The following TP63 variants were observed in gnomAD, a reference collection of about 807,000 sequenced individuals.
TP63 encodes tumor protein 63.
A neutral mutation model predicts 82.8 loss-of-function variants in TP63; 17 were observed. The ratio of observed to expected loss-of-function variants is 0.21; its 90% confidence interval spans 0.14 to 0.31. The LOEUF (loss-of-function observed/expected upper bound fraction) is 0.31. TP63 is among the 10% of genes least tolerant of loss of function. The probability of loss-of-function intolerance (pLI) is 1.00; values close to 1 mark genes in which losing one functional copy is unlikely to be tolerated. For synonymous variants in TP63, 330 were observed against 321.7 expected, an observed-to-expected ratio of 1.03 and a Z score of -0.28; for missense variants, 648 against 895.3, an observed-to-expected ratio of 0.72 and a Z score of 3.52.
chr3:189,796,128 T>C (rs763570426), intron 3 of TP63, among the ~76,000 whole-genome samples: 2 of 152,004 alleles, frequency 1.3e-5, no homozygotes, highest in African/African-American at 2.4e-5. Context: ...TTATTCAGAA[T>C]GAGAATCCCA....
At chr3:189,848,040 C>T (rs767635867) in intron 4 of TP63, among the ~76,000 whole-genome samples, 4 of 152,208 alleles carry the variant, frequency 2.6e-5, no homozygotes, top group East Asian at 1.9e-4. Flanking sequence ...CTGTGTGGGA[C>T]GTGGGGAAGA....
intron 10 of TP63, among the ~76,000 whole-genome samples, chr3:189,883,765 C>A (rs1720164240): frequency 6.6e-6 from 1 of 152,110 alleles, no homozygotes; most frequent in South Asian, 2.1e-4. Context: ...GACTTAGAAT[C>A]CATGTTCCTT....
At chr3:189,691,710 A>G (rs1716946544) in intron 1 of TP63, among the ~76,000 whole-genome samples, 1 of 152,192 alleles carries the variant, frequency 6.6e-6, no homozygotes, top group Admixed American at 6.5e-5. Context: ...CTAGCTGTGT[A>G]AGAGTCTATA....
chr3:189,599,240 A>G, the TP63 span, among the ~76,000 whole-genome samples: 2 of 152,060 alleles, frequency 1.3e-5, no homozygotes, highest in South Asian at 2.1e-4. Context: ...TCTGCTTGCA[A>G]ATTTCTTTAG....
intron 3 of TP63, among the ~76,000 whole-genome samples, chr3:189,745,463 C>T (rs1205068949): frequency 1.3e-5 from 2 of 151,912 alleles, no homozygotes; most frequent in Admixed American, 6.6e-5. Context: ...AATCCCAGAA[C>T]TTCGGGAGGC....
chr3:189,784,020 T>C (rs1276539173), intron 3 of TP63, among the ~76,000 whole-genome samples: 2 of 152,008 alleles, frequency 1.3e-5, no homozygotes, highest in African/African-American at 4.8e-5. Flanking sequence ...CTTGTTTATA[T>C]ACATAAACAC....
chr3:189,729,467 T>C (rs1474044835), intron 1 of TP63, among the ~76,000 whole-genome samples: 1 of 152,176 alleles, frequency 6.6e-6, no homozygotes, highest in Non-Finnish European at 1.5e-5. Flanking sequence ...AAGAAGCCAG[T>C]AACTAGGAGA....
At chr3:189,784,637 A>T (rs944264964) in intron 3 of TP63, among the ~76,000 whole-genome samples, 1 of 152,128 alleles carries the variant, frequency 6.6e-6, no homozygotes, top group Non-Finnish European at 1.5e-5. Flanking sequence ...ATGTATACAA[A>T]TAAAAAATTA....
At chr3:189,665,150 A>G (rs1399824954) in intron 1 of TP63, among the ~76,000 whole-genome samples, 2 of 152,126 alleles carry the variant, frequency 1.3e-5, no homozygotes, top group African/African-American at 4.8e-5. Flanking sequence ...TCCTTATGAG[A>G]GTGTACTACC....
At chr3:189,809,292 C>A (rs1727277016) in intron 4 of TP63, among the ~76,000 whole-genome samples, 1 of 151,960 alleles carries the variant, frequency 6.6e-6, no homozygotes, top group Non-Finnish European at 1.5e-5. Context: ...AAGAATTAGT[C>A]CAAAGAAATT....
chr3:189,658,351 C>T (rs955945447), intron 1 of TP63, among the ~76,000 whole-genome samples: 2 of 151,906 alleles, frequency 1.3e-5, no homozygotes, highest in Admixed American at 1.3e-4. Flanking sequence ...AGATATTCTG[C>T]CCTCAAGCAG....
chr3:189,862,656 G>A lies in TP63; in HGVS notation c.580-1576G>A, dbSNP rs16864859. Among the ~76,000 whole-genome samples the A allele has an allele frequency of 7.2e-3, 1,096 of 152,234 alleles. 7 individuals are homozygous for A. Among genetic ancestry groups the A allele is most frequent in the African/African-American group, 0.025 (1,055 of 41,538 alleles). The stretch of plus-strand genomic sequence containing the variant: ...GTTATATACCTCCTAACGAAAACAC[G>A]AATGGATATGCTTATTTTCTTCAAG... On this transcript the variant is annotated intron_variant, in intron 4 of 13. Coordinates refer to ENST00000264731, the MANE Select transcript of TP63 (RefSeq NM_003722.5).
At chr3:189,800,106 ATCTG>A (rs1726128073) in intron 3 of TP63, among the ~76,000 whole-genome samples, 2 of 152,318 alleles carry the variant, frequency 1.3e-5, no homozygotes, top group Admixed American at 6.5e-5. Context: ...AAAGAGAATA[ATCTG>A]TCTGAACAGT....
At chr3:189,625,550 G>A in the TP63 span, among the ~76,000 whole-genome samples, 55 of 152,052 alleles carry the variant, frequency 3.6e-4, no homozygotes, top group Non-Finnish European at 4.6e-4. Flanking sequence ...AATAAGCAGC[G>A]TAGAATAGAT....
At chr3:189,600,443 A>G in the TP63 span, among the ~76,000 whole-genome samples, 2 of 152,316 alleles carry the variant, frequency 1.3e-5, no homozygotes, top group African/African-American at 4.8e-5. Flanking sequence ...AATTATTGCA[A>G]TGGCCTTAAG....
intron 3 of TP63, among the ~76,000 whole-genome samples, chr3:189,741,201 T>TG (rs921912587): frequency 1.9e-4 from 21 of 107,836 alleles, no homozygotes; most frequent in African/African-American, 5.9e-4. Context: ...GCTCTGTCTG[T>TG]GGAAAAAAAA....
chr3:189,812,247 G>A (rs1727650911), intron 4 of TP63, among the ~76,000 whole-genome samples: 1 of 152,020 alleles, frequency 6.6e-6, no homozygotes, highest in Non-Finnish European at 1.5e-5. Flanking sequence ...GCGTTTCTGT[G>A]TTTTAAATAA....
chr3:189,669,236 C>G (rs1420396579), intron 1 of TP63, among the ~76,000 whole-genome samples: 1 of 150,694 alleles, frequency 6.6e-6, no homozygotes, highest in Non-Finnish European at 1.5e-5. Context: ...TACTAACAAC[C>G]AAAAAACCTG....
chr3:189,628,386 A>C (rs570707302), upstream of TP63, among the ~76,000 whole-genome samples: 1 of 152,274 alleles, frequency 6.6e-6, no homozygotes, highest in African/African-American at 2.4e-5. Context: ...AATTTTCATG[A>C]ATGTAAGTGA....
Sources: allele counts gnomAD v4.1 joint callset (sites outside exome capture counted in the v4.1 genomes callset), GRCh38; gene constraint gnomAD v4.1.1; transcripts MANE v1.5; gene names NCBI Gene and HGNC (gene_info 2026-07-23, HGNC 2026-07-21).